The following KMT5B variants were observed in gnomAD, a reference collection of about 807,000 sequenced individuals.
KMT5B encodes lysine methyltransferase 5B.
In KMT5B, 10 loss-of-function variants were observed where a neutral mutation model predicts 83.2. The ratio of observed to expected loss-of-function variants is 0.12; its 90% CI spans 0.07 to 0.20. The LOEUF is 0.20. Ranked by LOEUF, KMT5B falls within the 10% of genes least tolerant of loss-of-function variation. The probability of loss-of-function intolerance (pLI) is 1.00; values close to 1 mark genes in which losing one functional copy is unlikely to be tolerated. For missense variants in KMT5B, 753 were observed against 1,067.2 expected (o/e 0.71, Z 4.10); for synonymous variants, 349 against 388.8 (o/e 0.90, Z 1.20).
chr11:68,161,122 A>C (rs1170856384), intron 10 of KMT5B, among the ~76,000 whole-genome samples: 1 of 152,218 alleles, frequency 6.6e-6, no homozygotes, highest in Non-Finnish European at 1.5e-5. Context: ...AGGAGTAGTG[A>C]ACTTTGAATG....
chr11:68,167,745 A>G (rs1855451088), intron 9 of KMT5B, among the ~76,000 whole-genome samples: 2 of 152,244 alleles, frequency 1.3e-5, no homozygotes, highest in Admixed American at 6.5e-5. Context: ...GGCGTGAGCC[A>G]CAAAGTCCAG....
chr11:68,177,691 C>T (rs762713196), intron 4 of KMT5B, among the ~76,000 whole-genome samples: 3 of 152,042 alleles, frequency 2.0e-5, no homozygotes, highest in Non-Finnish European at 2.9e-5. Flanking sequence ...GAACAGGGCC[C>T]TATTTTCCAT....
At chr11:68,174,190 T>A (rs1232660428) in intron 5 of KMT5B, 16 of 537,742 alleles carry the variant, frequency 3.0e-5, no homozygotes, top group South Asian at 9.6e-5. Flanking sequence ...CCAGCCTGGG[T>A]GACAGAGCAA....
rs1229524021 is a variant in KMT5B, at chr11:68,180,129, T to C, written c.377+3A>G. 6.3e-7 allele frequency: 1 copy of C among 1,581,176 alleles called. No individual in the cohort carries two copies. On this transcript the variant is annotated splice_donor_region_variant and intron_variant, in intron 4 of 10. Coordinates refer to ENST00000304363, the MANE Select transcript of KMT5B (RefSeq NM_017635.5). ...CTCATTGTTTTTAACACACACTACC[T>C]ACCTCACAGGGTTGTTGTGAGAAAA...
intron 10 of KMT5B, chr11:68,166,175 C>T: frequency 7.4e-7 from 1 of 1,343,728 alleles, no homozygotes. Context: ...GTGGCAACTA[C>T]AGAAAACTGG....
At position 68,168,924 on chromosome 11, in the gene KMT5B, G is replaced by C. The variant is rs114097592; in HGVS notation, c.978-1746C>G. ...CTGCATGCACTTGGCCTAACATTAA[G>C]TAACTGTTCAGTTAATATGTAATGA... On this transcript the variant is annotated intron_variant, in intron 9 of 10. Coordinates refer to ENST00000304363, the MANE Select transcript of KMT5B (RefSeq NM_017635.5). Among the ~76,000 whole-genome samples the C allele has an allele frequency of 2.4e-3, 362 of 152,288 alleles. 2 individuals are homozygous for C. The highest frequency in any genetic ancestry group is 7.9e-3 in the African/African-American group (329 of 41,554).
At chr11:68,199,708 C>T (rs943824722) in intron 1 of KMT5B, among the ~76,000 whole-genome samples, 4 of 152,152 alleles carry the variant, frequency 2.6e-5, no homozygotes, top group Non-Finnish European at 4.4e-5. Context: ...TGCAGGGAGA[C>T]GTTATTAGTA....
chr11:68,176,103 C>T (rs1028814930), intron 4 of KMT5B, among the ~76,000 whole-genome samples: 2 of 151,968 alleles, frequency 1.3e-5, no homozygotes, highest in Admixed American at 6.6e-5. Flanking sequence ...TTAGTAGAGA[C>T]CATGTTGGCC....
intron 10 of KMT5B, among the ~76,000 whole-genome samples, chr11:68,163,443 C>T (rs1482145276): frequency 2.0e-5 from 3 of 152,158 alleles, no homozygotes; most frequent in Admixed American, 6.5e-5. Context: ...TGGTGTTGGC[C>T]TCAACTTACG....
At chr11:68,213,356 A>C (rs929059413), upstream of KMT5B, 107 of 146,050 alleles carry the variant, frequency 7.3e-4, no homozygotes, top group African/African-American at 2.6e-3. Context: ...GAGTCCCCGC[A>C]GCGTCCGAGC....
chr11:68,168,393 T>C (rs1855522865), intron 9 of KMT5B, among the ~76,000 whole-genome samples: 1 of 151,466 alleles, frequency 6.6e-6, no homozygotes, highest in African/African-American at 2.4e-5. Context: ...TGGAGTGCAG[T>C]GGTGCGATCT....
chr11:68,176,782 CAAAAA>C (rs1394776680), intron 4 of KMT5B: 1 of 151,572 alleles, frequency 6.6e-6, no homozygotes, highest in Non-Finnish European at 1.5e-5. Context: ...GACTCTGTAT[CAAAAA>C]AACAAAACAA....
chr11:68,195,342 C>T (rs1296579627), intron 1 of KMT5B, among the ~76,000 whole-genome samples: 2 of 152,198 alleles, frequency 1.3e-5, no homozygotes, highest in Non-Finnish European at 2.9e-5. Flanking sequence ...ACCTTAACTT[C>T]CATTATCCAG....
At chr11:68,204,079 A>G (rs2129848) in intron 1 of KMT5B, among the ~76,000 whole-genome samples, 19,778 of 152,160 alleles carry the variant, frequency 0.13, 1,527 homozygotes, top group East Asian at 0.23. Context: ...GGCCACCAAG[A>G]GAATAGCGTC....
chr11:68,179,359 C>T, intron 4 of KMT5B: 13 of 1,053,242 alleles, frequency 1.2e-5, no homozygotes, highest in Admixed American at 2.8e-5. Flanking sequence ...TATTTTTTCT[C>T]TTTTTACACT....
chr11:68,203,210 G>A (rs1459430911), intron 1 of KMT5B, among the ~76,000 whole-genome samples: 1 of 152,030 alleles, frequency 6.6e-6, no homozygotes, highest in African/African-American at 2.4e-5. Context: ...TCCTGACCTC[G>A]TGATCTGCCT....
chr11:68,180,025 A>C, intron 4 of KMT5B, 107 bp downstream of exon 4: 1 of 1,324,926 alleles, frequency 7.5e-7, no homozygotes, highest in Non-Finnish European at 1.0e-6. Flanking sequence ...AAATGTTCTA[A>C]AACTCTAATT....
chr11:68,194,612 T>C (rs573161976), intron 1 of KMT5B, among the ~76,000 whole-genome samples: 13 of 152,330 alleles, frequency 8.5e-5, no homozygotes, highest in Middle Eastern at 3.4e-3. Flanking sequence ...CTCTCCATCA[T>C]TGAGCCATCT....
At chr11:68,187,730 GT>G (rs1238548513) in intron 2 of KMT5B, among the ~76,000 whole-genome samples, 1 of 152,082 alleles carries the variant, frequency 6.6e-6, no homozygotes, top group Non-Finnish European at 1.5e-5. Flanking sequence ...TAAAAGTGGC[GT>G]ATCAAAGTCT....
Sources: gnomAD v4.1 joint callset for allele counts (sites outside exome capture counted in the v4.1 genomes callset) on GRCh38, gnomAD v4.1.1 for gene constraint, MANE v1.5 for transcripts, NCBI Gene and HGNC (gene_info 2026-07-23, HGNC 2026-07-21) for gene names.